The following NOL4 variants were observed in gnomAD, a reference collection of about 807,000 sequenced individuals.
The protein encoded by NOL4 is nucleolar protein 4.
NOL4 carries 17 observed loss-of-function variants against 75.9 expected under a neutral mutation model. The ratio of observed to expected loss-of-function variants is 0.22; its 90% CI spans 0.15 to 0.34. The LOEUF (loss-of-function observed/expected upper bound fraction) is 0.34. NOL4 is among the 10% of genes least tolerant of loss of function. The pLI, the probability that NOL4 is intolerant of heterozygous loss-of-function variation, is 1.00. For synonymous variants in NOL4, 292 were observed against 289.9 expected, an observed-to-expected ratio of 1.01 and a Z score of -0.07; for missense variants, 614 against 793.5, an observed-to-expected ratio of 0.77 and a Z score of 2.72.
intron 9 of NOL4, among the ~76,000 whole-genome samples, chr18:33,921,896 T>C (rs986223722): frequency 6.6e-6 from 1 of 152,144 alleles, no homozygotes; most frequent in African/African-American, 2.4e-5. Flanking sequence ...CCTACCCTAC[T>C]CTTGTTTCAT....
chr18:34,174,701 C>T (rs952727977), intron 1 of NOL4, among the ~76,000 whole-genome samples: 4 of 151,960 alleles, frequency 2.6e-5, no homozygotes, highest in Non-Finnish European at 4.4e-5. Flanking sequence ...CGACAGGCCC[C>T]GGTGTGTGAT....
chr18:34,165,556 G>C (rs1276767745), intron 1 of NOL4, among the ~76,000 whole-genome samples: 1 of 152,082 alleles, frequency 6.6e-6, no homozygotes, highest in Non-Finnish European at 1.5e-5. Flanking sequence ...TTCTGTCAAT[G>C]CACAATATAT....
intron 5 of NOL4, among the ~76,000 whole-genome samples, chr18:34,037,413 A>G (rs1164522757): frequency 2.0e-5 from 3 of 151,996 alleles, no homozygotes; most frequent in Non-Finnish European, 4.4e-5. Flanking sequence ...AAATAAAAAA[A>G]TCTTAAAGTT....
At chr18:34,210,162 T>C (rs771859006) in intron 1 of NOL4, among the ~76,000 whole-genome samples, 39 of 152,226 alleles carry the variant, frequency 2.6e-4, no homozygotes, top group Non-Finnish European at 4.3e-4. Flanking sequence ...TTTGCTAAAC[T>C]TTTGTGATAG....
At chr18:34,102,800 G>GT (rs150015654) in intron 4 of NOL4, among the ~76,000 whole-genome samples, 5,410 of 151,052 alleles carry the variant, frequency 0.036, 91 homozygotes, top group Middle Eastern at 0.049. Context: ...CATGAAGATA[G>GT]TTTTTTTTTA....
chr18:33,974,174 T>C (rs1271598922), intron 6 of NOL4, among the ~76,000 whole-genome samples: 1 of 152,190 alleles, frequency 6.6e-6, no homozygotes. Context: ...CTTGCATGTT[T>C]ATGTTCTGGT....
At chr18:34,179,901 A>G (rs1174483476) in intron 1 of NOL4, among the ~76,000 whole-genome samples, 1 of 151,456 alleles carries the variant, frequency 6.6e-6, no homozygotes, top group Non-Finnish European at 1.5e-5. Flanking sequence ...AGTTTATGGT[A>G]TTTTGTTTTA....
chr18:34,099,897 A>T (rs2078966012), intron 4 of NOL4, among the ~76,000 whole-genome samples: 1 of 152,100 alleles, frequency 6.6e-6, no homozygotes, highest in South Asian at 2.1e-4. Flanking sequence ...CATAGAGATG[A>T]GCAATTATTT....
At chr18:33,963,302 C>G (rs1055397141) in intron 6 of NOL4, among the ~76,000 whole-genome samples, 11 of 152,156 alleles carry the variant, frequency 7.2e-5, no homozygotes, top group African/African-American at 2.4e-4. Context: ...CAATTCAAGA[C>G]TGACTATAAT....
chr18:33,882,805 C>G (rs1469289274), intron 10 of NOL4, among the ~76,000 whole-genome samples: 1 of 151,846 alleles, frequency 6.6e-6, no homozygotes, highest in Non-Finnish European at 1.5e-5. Context: ...TGGAACCAAC[C>G]CAAATGTCCA....
At chr18:34,087,725 A>G (rs1443093091) in intron 5 of NOL4, among the ~76,000 whole-genome samples, 2 of 151,992 alleles carry the variant, frequency 1.3e-5, no homozygotes, top group African/African-American at 2.4e-5. Context: ...TTTTAGAATT[A>G]TATCTCTGAA....
intron 2 of NOL4, among the ~76,000 whole-genome samples, chr18:34,111,983 G>A (rs1456091977): frequency 6.6e-6 from 1 of 152,136 alleles, no homozygotes; most frequent in Non-Finnish European, 1.5e-5. Flanking sequence ...TTCCATTTCT[G>A]GGAATATATC....
chr18:34,004,578 C>T (rs1401354720), intron 6 of NOL4, among the ~76,000 whole-genome samples: 1 of 152,016 alleles, frequency 6.6e-6, no homozygotes, highest in Non-Finnish European at 1.5e-5. Flanking sequence ...TAATAAAAAG[C>T]AAACCTATGT....
intron 1 of NOL4, among the ~76,000 whole-genome samples, chr18:34,182,129 T>C (rs1433079292): frequency 6.6e-6 from 1 of 151,630 alleles, no homozygotes; most frequent in Non-Finnish European, 1.5e-5. Flanking sequence ...GCAGCATTAT[T>C]TGTAATAGCT....
intron 5 of NOL4, chr18:34,048,350 G>T: frequency 1.6e-6 from 1 of 639,752 alleles, no homozygotes; most frequent in Non-Finnish European, 1.9e-6. Context: ...GTCTACTCCT[G>T]TCATTCTACT....
intron 5 of NOL4, among the ~76,000 whole-genome samples, chr18:34,051,664 G>A (rs755445147): frequency 4.6e-5 from 7 of 152,036 alleles, no homozygotes; most frequent in Non-Finnish European, 1.0e-4. Context: ...AATGCAGGAA[G>A]CATACAGTCA....
At chr18:33,894,287 T>C (rs1231139865) in intron 9 of NOL4, among the ~76,000 whole-genome samples, 1 of 152,122 alleles carries the variant, frequency 6.6e-6, no homozygotes, top group Admixed American at 6.6e-5. Flanking sequence ...GATTATTATT[T>C]AGGATGTTGA....
chr18:34,139,656 GT>G (rs1268069627), intron 1 of NOL4, among the ~76,000 whole-genome samples: 2 of 152,008 alleles, frequency 1.3e-5, no homozygotes, highest in African/African-American at 2.4e-5. Context: ...TTTTTGGAGG[GT>G]TTTTTTGTGT....
chr18:33,934,178 C>A (rs1176852004), intron 9 of NOL4, among the ~76,000 whole-genome samples: 1 of 151,938 alleles, frequency 6.6e-6, no homozygotes, highest in Non-Finnish European at 1.5e-5. Context: ...AGCAGTAGGC[C>A]TCAACAGTGG....
Sources: gnomAD v4.1 joint callset for allele counts (sites outside exome capture counted in the v4.1 genomes callset) on GRCh38, gnomAD v4.1.1 for gene constraint, MANE v1.5 for transcripts, NCBI Gene and HGNC (gene_info 2026-07-23, HGNC 2026-07-21) for gene names.